The following ZBTB20 variants were observed in gnomAD, a reference collection of about 807,000 sequenced individuals.
ZBTB20 encodes zinc finger and BTB domain-containing protein 20.
Under a neutral mutation model 56.9 loss-of-function variants are expected in ZBTB20, and 9 were observed. That is an observed-to-expected ratio of 0.16 (90% CI 0.10 to 0.28). The LOEUF (loss-of-function observed/expected upper bound fraction) is 0.28. ZBTB20 is among the 10% of genes least tolerant of loss of function. ZBTB20 has a pLI of 1.00. For missense variants in ZBTB20, 655 were observed against 1,003.0 expected, an observed-to-expected ratio of 0.65 and a Z score of 4.69; for synonymous variants, 417 against 420.7, an observed-to-expected ratio of 0.99 and a Z score of 0.11.
chr3:114,389,887 CAAAAAAAAAA>C lies in ZBTB20; in HGVS notation c.-254-792_-254-783del, dbSNP rs34247337. ...CTGGCAACAGAGCAAGAGTCCATCTCAAAAAAAAAAAAAAAAAAAAAAGAATTACCTCATG... is the reference window on the plus strand; with the variant it reads ...CTGGCAACAGAGCAAGAGTCCATCTCAAAAAAAAAAAAGAATTACCTCATG... On this transcript the variant is annotated intron_variant, in intron 7 of 11. Coordinates refer to ENST00000675478, the MANE Select transcript of ZBTB20 (RefSeq NM_001348800.3). 2.6e-5 allele frequency among the ~76,000 whole-genome samples: 2 copies of C among 77,630 alleles called. 1 individual carries two copies. The highest frequency in any genetic ancestry group is 1.2e-4 in the African/African-American group (2 of 17,352). 50.9% of individuals were successfully genotyped at this position (77,630 alleles called of 152,430 possible).
At chr3:114,726,187 G>T (rs910209277) in intron 5 of ZBTB20, among the ~76,000 whole-genome samples, 2 of 152,140 alleles carry the variant, frequency 1.3e-5, no homozygotes, top group African/African-American at 2.4e-5. Flanking sequence ...ATGCAGGAGA[G>T]AGAGGATTTG....
intron 2 of ZBTB20, among the ~76,000 whole-genome samples, chr3:115,014,159 C>T (rs974230036): frequency 6.6e-6 from 1 of 151,424 alleles, no homozygotes; most frequent in African/African-American, 2.4e-5. Context: ...ATAAGCTAGG[C>T]ACAGAAAGAC....
intron 6 of ZBTB20, among the ~76,000 whole-genome samples, chr3:114,521,657 C>T (rs1259848484): frequency 6.6e-6 from 1 of 152,120 alleles, no homozygotes; most frequent in Non-Finnish European, 1.5e-5. Flanking sequence ...GCACATGTCA[C>T]CACCTGTGTC....
rs74347345 is a variant in ZBTB20 at position 114,909,143 on chromosome 3, T to A, written c.-455-8801A>T. ...ACAGGAGATGACAGCTCCATGCATG[T>A]TATTACGCCAGAAGACCTTCCAGTG... On this transcript the variant is annotated intron_variant, in intron 3 of 11. Transcript: ENST00000675478. Among the ~76,000 whole-genome samples the A allele has an allele frequency of 3.3e-5, 5 of 152,022 alleles. No individual in the cohort carries two copies. In the East Asian group the frequency reaches 9.6e-4, roughly 29 times the overall value.
At chr3:114,654,793 T>A (rs929864375) in intron 6 of ZBTB20, among the ~76,000 whole-genome samples, 1 of 152,186 alleles carries the variant, frequency 6.6e-6, no homozygotes, top group Admixed American at 6.5e-5. Context: ...CAATTGTTAT[T>A]GTAGATTTTA....
intron 6 of ZBTB20, among the ~76,000 whole-genome samples, chr3:114,632,717 C>T (rs577780724): frequency 6.6e-6 from 1 of 152,080 alleles, no homozygotes; most frequent in Non-Finnish European, 1.5e-5. Flanking sequence ...TTAATAATAT[C>T]TTCAATCTAT....
At chr3:114,729,018 A>G (rs544240305) in intron 5 of ZBTB20, among the ~76,000 whole-genome samples, 1 of 152,258 alleles carries the variant, frequency 6.6e-6, no homozygotes, top group South Asian at 2.1e-4. Flanking sequence ...ACCATGGCAC[A>G]TGTTTACCTC....
intron 4 of ZBTB20, among the ~76,000 whole-genome samples, chr3:114,863,499 G>T (rs2075627712): frequency 6.6e-6 from 1 of 152,056 alleles, no homozygotes; most frequent in Non-Finnish European, 1.5e-5. Context: ...GATTAATAAA[G>T]TCTTTGGTAA....
intron 3 of ZBTB20, among the ~76,000 whole-genome samples, chr3:114,954,055 G>C (rs1448828649): frequency 6.6e-6 from 1 of 152,072 alleles, no homozygotes; most frequent in Non-Finnish European, 1.5e-5. Flanking sequence ...AAACTGAAAA[G>C]AAAGTTTTAT....
intron 5 of ZBTB20, among the ~76,000 whole-genome samples, chr3:114,786,209 G>C (rs1283932236): frequency 6.6e-6 from 1 of 151,630 alleles, no homozygotes; most frequent in Non-Finnish European, 1.5e-5. Flanking sequence ...TTGTTACATA[G>C]GTATACACGT....
intron 6 of ZBTB20, among the ~76,000 whole-genome samples, chr3:114,621,992 A>G (rs1008061633): frequency 6.6e-6 from 1 of 152,182 alleles, no homozygotes; most frequent in Non-Finnish European, 1.5e-5. Flanking sequence ...CTGGCAGATT[A>G]TATTTTTTTA....
chr3:115,069,930 A>G (rs893384056), intron 2 of ZBTB20, among the ~76,000 whole-genome samples: 1 of 152,254 alleles, frequency 6.6e-6, no homozygotes, highest in African/African-American at 2.4e-5. Context: ...ACAGAAAGAA[A>G]CTGAATAAAT....
chr3:114,837,898 T>C (rs1049134610), intron 4 of ZBTB20, among the ~76,000 whole-genome samples: 2 of 152,124 alleles, frequency 1.3e-5, no homozygotes, highest in Admixed American at 6.5e-5. Flanking sequence ...GGACTTTCAG[T>C]AAACAAATTA....
intron 1 of ZBTB20, among the ~76,000 whole-genome samples, chr3:115,087,614 G>T (rs536778943): frequency 6.6e-6 from 1 of 151,980 alleles, no homozygotes; most frequent in African/African-American, 2.4e-5. Flanking sequence ...CCTCACTGGA[G>T]CAATGAATAA....
chr3:114,555,181 T>A (rs776065586), intron 6 of ZBTB20, among the ~76,000 whole-genome samples: 5 of 152,170 alleles, frequency 3.3e-5, no homozygotes, highest in Non-Finnish European at 5.9e-5. Context: ...AATTTCTTCA[T>A]CATATATTTT....
chr3:114,532,918 C>A (rs185305791), intron 6 of ZBTB20, among the ~76,000 whole-genome samples: 2 of 152,186 alleles, frequency 1.3e-5, no homozygotes, highest in Admixed American at 6.5e-5. Flanking sequence ...AGAAGGAAAA[C>A]TAACAAACAG....
intron 5 of ZBTB20, among the ~76,000 whole-genome samples, chr3:114,728,975 A>C (rs1315071055): frequency 6.6e-6 from 1 of 152,144 alleles, no homozygotes; most frequent in Admixed American, 6.6e-5. Flanking sequence ...GGAGCTTAAT[A>C]CCTAGGTGAC....
At chr3:114,425,891 T>A (rs1348039529) in intron 7 of ZBTB20, among the ~76,000 whole-genome samples, 2 of 152,236 alleles carry the variant, frequency 1.3e-5, no homozygotes, top group African/African-American at 4.8e-5. Context: ...GCCTCAATCT[T>A]CTGCTAAACG....
chr3:114,760,845 C>T (rs963301512), intron 5 of ZBTB20, among the ~76,000 whole-genome samples: 2 of 152,080 alleles, frequency 1.3e-5, no homozygotes, highest in Non-Finnish European at 2.9e-5. Context: ...TCTGTTTTCA[C>T]TGTACCATAA....
Sources: allele counts gnomAD v4.1 joint callset (sites outside exome capture counted in the v4.1 genomes callset), GRCh38; gene constraint gnomAD v4.1.1; transcripts MANE v1.5; gene names NCBI Gene and HGNC (gene_info 2026-07-23, HGNC 2026-07-21).